UBE2H: variants seen among roughly 807,000 people sequenced by gnomAD.
The protein encoded by UBE2H is ubiquitin-conjugating enzyme E2 H.
In UBE2H, 3 loss-of-function variants were observed where a neutral mutation model predicts 29.0. The observed-to-expected ratio is 0.10, with a 90% CI of 0.05 to 0.27. The LOEUF (loss-of-function observed/expected upper bound fraction) is 0.27. UBE2H is among the 10% of genes least tolerant of loss of function. UBE2H has a pLI of 1.00. For missense variants in UBE2H, 68 were observed against 228.2 expected, an observed-to-expected ratio of 0.30 and a Z score of 4.52; for synonymous variants, 69 against 82.9, an observed-to-expected ratio of 0.83 and a Z score of 0.91.
chr7:129,910,541 T>C (rs1806911521), intron 1 of UBE2H, among the ~76,000 whole-genome samples: 1 of 152,136 alleles, frequency 6.6e-6, no homozygotes, highest in Non-Finnish European at 1.5e-5. Context: ...GGTTAGGCTT[T>C]AAACCATGGG....
At chr7:129,949,085 A>G (rs907381879) in intron 1 of UBE2H, 2 of 454,638 alleles carry the variant, frequency 4.4e-6, no homozygotes, top group African/African-American at 2.0e-5. Context: ...AAGCAGCTCT[A>G]GCCTTCAGCA....
At chr7:129,929,258 G>A (rs559303032) in intron 1 of UBE2H, among the ~76,000 whole-genome samples, 8 of 151,640 alleles carry the variant, frequency 5.3e-5, no homozygotes, top group African/African-American at 9.7e-5. Context: ...CAGAGGTTGC[G>A]GTGAGCCAAG....
chr7:129,879,218 T>C (rs572496904), intron 3 of UBE2H, among the ~76,000 whole-genome samples: 17 of 152,340 alleles, frequency 1.1e-4, no homozygotes, highest in East Asian at 9.6e-4. Flanking sequence ...ACACATACTA[T>C]GTAACATTCA....
chr7:129,927,691 C>T (rs1173644536), intron 1 of UBE2H, among the ~76,000 whole-genome samples: 4 of 152,100 alleles, frequency 2.6e-5, no homozygotes, highest in East Asian at 1.9e-4. Context: ...GGGGACATTA[C>T]GTTAAGTAAA....
At chr7:129,879,727 A>C in intron 2 of UBE2H, 85 bp from the exon 3 acceptor site, 1 of 1,266,020 alleles carries the variant, frequency 7.9e-7, no homozygotes, top group Non-Finnish European at 1.1e-6. Context: ...TTATCCCCTA[A>C]TCTTCTGAAA....
At chr7:129,868,859 T>G (rs930833243) in intron 3 of UBE2H, among the ~76,000 whole-genome samples, 3 of 151,938 alleles carry the variant, frequency 2.0e-5, no homozygotes, top group African/African-American at 7.2e-5. Flanking sequence ...GCCCCCAAGT[T>G]GCTCTCTGCC....
At chr7:129,863,903 C>T (rs1171501295) in intron 3 of UBE2H, among the ~76,000 whole-genome samples, 1 of 150,590 alleles carries the variant, frequency 6.6e-6, no homozygotes, top group Non-Finnish European at 1.5e-5. Context: ...CTCCTGGGTT[C>T]AAGAGATTCT....
intron 3 of UBE2H, among the ~76,000 whole-genome samples, chr7:129,860,180 C>T (rs1805774420): frequency 6.6e-6 from 1 of 152,134 alleles, no homozygotes; most frequent in African/African-American, 2.4e-5. Context: ...AAGTAGAAAA[C>T]AGGGGATAAG....
chr7:129,949,097 G>C (rs765792448), intron 1 of UBE2H: 4 of 451,706 alleles, frequency 8.9e-6, no homozygotes, highest in African/African-American at 4.0e-5. Flanking sequence ...CCTTCAGCAG[G>C]GGCCACTGGT....
chr7:129,938,288 T>C (rs1021426331), intron 1 of UBE2H, among the ~76,000 whole-genome samples: 32 of 151,524 alleles, frequency 2.1e-4, no homozygotes, highest in African/African-American at 7.3e-4. Flanking sequence ...GGCGTGTGAC[T>C]GTAGTTCCAG....
chr7:129,860,916 C>G (rs993248350), intron 3 of UBE2H, among the ~76,000 whole-genome samples: 1 of 152,030 alleles, frequency 6.6e-6, no homozygotes, highest in African/African-American at 2.4e-5. Context: ...GAAGAGGAAA[C>G]AGTGGTTAAA....
At chr7:129,931,051 T>C (rs1807383333) in intron 1 of UBE2H, among the ~76,000 whole-genome samples, 1 of 149,716 alleles carries the variant, frequency 6.7e-6, no homozygotes, top group African/African-American at 2.5e-5. Context: ...AAACCCAATC[T>C]CTATTAAATA....
intron 1 of UBE2H, among the ~76,000 whole-genome samples, chr7:129,897,055 C>G (rs961878068): frequency 3.9e-5 from 6 of 152,254 alleles, no homozygotes; most frequent in African/African-American, 1.2e-4. Flanking sequence ...CATCCCCTTC[C>G]TCTTACATTA....
intron 1 of UBE2H, among the ~76,000 whole-genome samples, chr7:129,932,422 C>T (rs1191607641): frequency 6.6e-6 from 1 of 152,038 alleles, no homozygotes; most frequent in Non-Finnish European, 1.5e-5. Context: ...CACGCCCAGC[C>T]TACTTTGCAT....
intron 3 of UBE2H, among the ~76,000 whole-genome samples, chr7:129,861,660 G>A (rs1805805684): frequency 6.6e-6 from 1 of 152,202 alleles, no homozygotes; most frequent in African/African-American, 2.4e-5. Context: ...GGGATGCTAA[G>A]ACGGACGGAT....
At chr7:129,934,944 T>C (rs111430665) in intron 1 of UBE2H, among the ~76,000 whole-genome samples, 1 of 141,862 alleles carries the variant, frequency 7.0e-6, no homozygotes, top group South Asian at 2.1e-4. Context: ...TATATATATA[T>C]ATGTGTGTGT....
In UBE2H at chr7:129,839,344, CCAAA is replaced by C. The variant is rs1563018133; in HGVS notation, c.299-13_299-10del. The C allele has an allele frequency of 1.2e-6, 2 of 1,612,548 alleles. No individual in the cohort carries two copies. Among genetic ancestry groups the C allele is most frequent in the Non-Finnish European group, 8.5e-7 (1 of 1,179,452 alleles). Reference sequence around the variant, plus strand: ...AAATATATTGGTAAGATCTGAAAAACCAAACAAACATGTCACACATGGGAAATGC... The same window carrying C: ...AAATATATTGGTAAGATCTGAAAAACCAAACATGTCACACATGGGAAATGC... On this transcript the variant is annotated splice_polypyrimidine_tract_variant and intron_variant, in intron 5 of 6. Transcript: ENST00000355621.
chr7:129,835,121 A>G, intron 6 of UBE2H, 60 bp from the exon 7 acceptor site: 1 of 1,606,168 alleles, frequency 6.2e-7, no homozygotes, highest in Non-Finnish European at 8.5e-7. Flanking sequence ...TGCTTTGGCG[A>G]CCCCAAAAAG....
chr7:129,927,196 TTAA>T (rs1348198680), intron 1 of UBE2H, among the ~76,000 whole-genome samples: 20 of 152,196 alleles, frequency 1.3e-4, no homozygotes, highest in African/African-American at 4.3e-4. Flanking sequence ...CACTAAAATG[TTAA>T]TAATAGAATT....
Sources: allele counts gnomAD v4.1 joint callset (sites outside exome capture counted in the v4.1 genomes callset), GRCh38; gene constraint gnomAD v4.1.1; transcripts MANE v1.5; gene names NCBI Gene and HGNC (gene_info 2026-07-23, HGNC 2026-07-21).